Variants in SARAF observed in about 807,000 individuals in gnomAD.
SARAF encodes store-operated calcium entry associated regulatory factor.
A neutral mutation model predicts 39.7 loss-of-function variants in SARAF; 23 were observed. The ratio of observed to expected loss-of-function variants is 0.58; its 90% CI spans 0.42 to 0.82. The LOEUF is 0.82. Among genes scored for constraint, SARAF ranks in the 40% least tolerant of loss-of-function variants. The probability of loss-of-function intolerance (pLI) is 0.00; values close to 1 mark genes in which losing one functional copy is unlikely to be tolerated. For missense variants in SARAF, 384 were observed against 418.5 expected (o/e 0.92, Z 0.72); for synonymous variants, 175 against 168.5 (o/e 1.04, Z -0.30).
In SARAF at chr8:30,082,836, G is replaced by T; in HGVS notation, c.103+11C>A. The T allele has an allele frequency of 6.9e-7, 1 of 1,458,182 alleles. No individual in the cohort carries two copies. Among genetic ancestry groups the T allele is most frequent in the Non-Finnish European group, 9.2e-7 (1 of 1,087,386 alleles). The allele number at this position is 1,458,182 out of a possible 1,614,324, so 90.3% of individuals were successfully genotyped here. ...GCGAACGAAGCGCCTGAGGGCCCTG[G>T]CAGCACTCACCAGGGTCGTTCCAGC... On this transcript the variant is annotated intron_variant, in intron 1 of 5. Coordinates refer to ENST00000256255, the MANE Select transcript of SARAF (RefSeq NM_016127.6).
intron 1 of SARAF, among the ~76,000 whole-genome samples, chr8:30,082,036 G>A (rs1802112396): frequency 6.6e-6 from 1 of 152,160 alleles, no homozygotes. Context: ...GCAATCGTCA[G>A]ATAAGAGGCA....
intron 3 of SARAF, among the ~76,000 whole-genome samples, chr8:30,067,767 G>A (rs1012837106): frequency 6.6e-6 from 1 of 152,042 alleles, no homozygotes; most frequent in Non-Finnish European, 1.5e-5. Flanking sequence ...CCATTCTAAT[G>A]TTTATGGATA....
chr8:30,073,684 T>G, intron 2 of SARAF, 193 bp downstream of exon 2: 1 of 490,202 alleles, frequency 2.0e-6, no homozygotes. Context: ...AAATGAGTAT[T>G]TTCAGGCTTT....
chr8:30,079,152 C>G (rs1183131675), intron 1 of SARAF, among the ~76,000 whole-genome samples: 1 of 130,814 alleles, frequency 7.6e-6, no homozygotes, highest in Non-Finnish European at 1.6e-5. Context: ...GAGTGAAACT[C>G]CATCTCAAAA....
intron 5 of SARAF, among the ~76,000 whole-genome samples, chr8:30,064,376 T>C (rs74882184): frequency 0.016 from 2,444 of 151,742 alleles, 71 homozygotes; most frequent in African/African-American, 0.056. Flanking sequence ...AATCTTCCTA[T>C]CTAGAAAGTC....
intron 1 of SARAF, chr8:30,078,228 C>T (rs1802019233): frequency 4.5e-6 from 2 of 442,860 alleles, no homozygotes; most frequent in East Asian, 1.5e-4. Flanking sequence ...AGGACCAGTT[C>T]AGAAAGTCCA....
In SARAF at chr8:30,070,005, T is replaced by C. The variant is rs758911642; in HGVS notation, c.337A>G (p.Ser113Gly). ...TCAGAGGACTCATAGCCTTCACAGC[T>C]CACCACAGTTTTTCCAAATTTGTAT... ...IAYKFGKTVVSCEGYESSEDQ... is the reference protein window; with the variant it reads ...IAYKFGKTVVGCEGYESSEDQ... The change falls in exon 3 of 6, where the codon AGC becomes GGC. Residue 113 changes from serine to glycine, a missense_variant. By Grantham distance (56) the Ser-to-Gly change is moderately conservative. Transcript: ENST00000256255. The C allele has an allele frequency of 6.2e-7, 1 of 1,612,936 alleles. No homozygotes were observed. Among genetic ancestry groups the C allele is most frequent in the African/African-American group, 1.3e-5 (1 of 74,814 alleles).
At chr8:30,064,497 AGAAT>A (rs1801626615) in intron 5 of SARAF, among the ~76,000 whole-genome samples, 1 of 146,388 alleles carries the variant, frequency 6.8e-6, no homozygotes, top group South Asian at 2.2e-4. Flanking sequence ...CTTTCCACTG[AGAAT>A]GAATATTTTT....
At chr8:30,066,675 C>T in intron 4 of SARAF, 102 bp downstream of exon 4, 3 of 1,453,250 alleles carry the variant, frequency 2.1e-6, no homozygotes, top group Non-Finnish European at 2.8e-6. Flanking sequence ...AGGCTAACGT[C>T]ACCACAATTT....
At position 30,066,104 on chromosome 8, in the gene SARAF, G is replaced by C. The variant is rs569267379; in HGVS notation, c.878C>G (p.Pro293Arg). 3 of 1,614,104 alleles carry C rather than the reference G, an allele frequency of 1.9e-6. No individual in the cohort carries two copies. The highest frequency in any genetic ancestry group is 1.1e-5 in the South Asian group (1 of 91,080). The change falls in exon 5 of 6, where the codon CCG becomes CGG. Residue 293 changes from proline to arginine, a missense_variant. Coordinates refer to ENST00000256255, the MANE Select transcript of SARAF (RefSeq NM_016127.6). ...GCCAGGGTAGGAGGGAGGATAGGAC[G>C]GGTAGTACCACGAGTCTGAGAAGGG... is the stretch of plus-strand genomic sequence containing the variant. ...ATPFSDSWYY[P>R]SYPPSYPGTW...
intron 1 of SARAF, among the ~76,000 whole-genome samples, chr8:30,077,077 G>A (rs144907630): frequency 5.3e-5 from 8 of 152,146 alleles, no homozygotes; most frequent in Non-Finnish European, 1.0e-4. Context: ...AAAAGACTGC[G>A]TTAATAAAAC....
At chr8:30,068,582 C>A (rs1801746534) in intron 3 of SARAF, among the ~76,000 whole-genome samples, 1 of 151,568 alleles carries the variant, frequency 6.6e-6, no homozygotes, top group Non-Finnish European at 1.5e-5. Context: ...ACCCCAACCC[C>A]CCTAGTCCGT....
chr8:30,078,089 G>A (rs2117442016), intron 1 of SARAF: 1 of 253,052 alleles, frequency 4.0e-6, no homozygotes. Context: ...GCAGCGAGCC[G>A]AGATGGTGCC....
intron 1 of SARAF, among the ~76,000 whole-genome samples, chr8:30,074,671 T>C (rs986323976): frequency 1.4e-4 from 21 of 152,138 alleles, no homozygotes; most frequent in African/African-American, 4.3e-4. Flanking sequence ...CATGAAAACA[T>C]GTATGGGAAG....
rs371369125 is a variant in SARAF at position 30,073,863 on chromosome 8, G to C, written c.282+14C>G. ...AAACCCCATTTAGACTGCCATTACT[G>C]TAGTGGATATTACCTGTACATCATA... On this transcript the variant is annotated intron_variant, in intron 2 of 5. Transcript: ENST00000256255. The C allele has an allele frequency of 1.9e-6, 3 of 1,611,468 alleles. No individual in the cohort carries two copies. Among genetic ancestry groups the C allele is most frequent in the Non-Finnish European group, 2.5e-6 (3 of 1,177,916 alleles).
chr8:30,079,750 AG>A (rs1247298656), intron 1 of SARAF, among the ~76,000 whole-genome samples: 1 of 152,244 alleles, frequency 6.6e-6, no homozygotes, highest in Non-Finnish European at 1.5e-5. Context: ...TATCTGGCTG[AG>A]TACTTGAAGC....
intron 3 of SARAF, among the ~76,000 whole-genome samples, chr8:30,068,337 G>C (rs559296128): frequency 6.6e-6 from 1 of 152,256 alleles, no homozygotes; most frequent in South Asian, 2.1e-4. Context: ...GAGGGATCTA[G>C]GTTGCATGCT....
chr8:30,066,779 A>AT lies in SARAF; in HGVS notation c.839dup (p.Asn280LysfsTer2). On this transcript the variant is annotated frameshift_variant, in exon 4 of 6. Coordinates refer to ENST00000256255, the MANE Select transcript of SARAF (RefSeq NM_016127.6). LOFTEE classifies it high-confidence loss of function. ...TGAGATCAATGCAAAAAGCTTACCT[A>AT]TTGCTGCCAAACAAATATCCTAGTA... 6.2e-7 allele frequency: 1 copy of AT among 1,614,102 alleles called. No homozygotes were observed. Among genetic ancestry groups the AT allele is most frequent in the Non-Finnish European group, 8.5e-7 (1 of 1,179,984 alleles).
chr8:30,079,753 A>C (rs1294079458), intron 1 of SARAF, among the ~76,000 whole-genome samples: 1 of 152,228 alleles, frequency 6.6e-6, no homozygotes. Flanking sequence ...CTGGCTGAGT[A>C]CTTGAAGCAT....
Sources: allele counts gnomAD v4.1 joint callset (sites outside exome capture counted in the v4.1 genomes callset), GRCh38; gene constraint gnomAD v4.1.1; transcripts MANE v1.5; gene names NCBI Gene and HGNC (gene_info 2026-07-23, HGNC 2026-07-21).